Variants in PDE3A observed in about 807,000 individuals in gnomAD.
PDE3A encodes the protein cGMP-inhibited 3',5'-cyclic phosphodiesterase 3A.
Under a neutral mutation model 98.3 loss-of-function variants are expected in PDE3A, and 43 were observed. The observed-to-expected ratio is 0.44, with a 90% CI of 0.34 to 0.56. PDE3A has a LOEUF of 0.56. Ranked by LOEUF, PDE3A falls within the 20% of genes least tolerant of loss-of-function variation. PDE3A has a pLI of 0.01. For synonymous variants in PDE3A, 663 were observed against 567.9 expected, an observed-to-expected ratio of 1.17 and a Z score of -2.38; for missense variants, 1,427 against 1,440.7, an observed-to-expected ratio of 0.99 and a Z score of 0.15.
intron 1 of PDE3A, among the ~76,000 whole-genome samples, chr12:20,444,128 A>C (rs1250278712): frequency 6.6e-6 from 1 of 152,184 alleles, no homozygotes; most frequent in East Asian, 1.9e-4. Context: ...ATGATACAGC[A>C]TGCCATTCCT....
chr12:20,604,657 A>G (rs1399666002), intron 2 of PDE3A, among the ~76,000 whole-genome samples: 1 of 152,134 alleles, frequency 6.6e-6, no homozygotes, highest in Non-Finnish European at 1.5e-5. Flanking sequence ...ATTAGGACAA[A>G]TAGCTGGTCT....
Position 20,648,691 on chromosome 12 carries a change from G to C in PDE3A, c.2569G>C (p.Val857Leu), listed in dbSNP as rs770430051. The C allele has an allele frequency of 1.3e-6, 2 of 1,599,540 alleles. No homozygotes were observed. Among genetic ancestry groups the C allele is most frequent in the Admixed American group, 3.3e-5 (2 of 60,000 alleles). The change falls in exon 13 of 16, where the codon GTG (valine) becomes CTG (leucine). Residue 857 changes from valine to leucine, a missense_variant. This residue lies in a region of PDE3A where 273 missense variants were observed against 420.3 expected (regional missense o/e 0.65). Coordinates refer to ENST00000359062, the MANE Select transcript of PDE3A (RefSeq NM_000921.5). ...CTTAACTGTCTTATTTGCCTAGGCG[G>C]TGCTATATAACGATCGTTCAGTTTT... ...FLVATSAPQA[V>L]LYNDRSVLEN... is the part of the protein sequence containing the mutation.
intron 15 of PDE3A, among the ~76,000 whole-genome samples, chr12:20,661,825 G>T (rs1157071278): frequency 6.6e-6 from 1 of 152,182 alleles, no homozygotes; most frequent in African/African-American, 2.4e-5. Context: ...CTCTGCTAGG[G>T]CAGTGTGGAA....
At chr12:20,513,161 A>G (rs1303474433) in intron 1 of PDE3A, among the ~76,000 whole-genome samples, 1 of 152,092 alleles carries the variant, frequency 6.6e-6, no homozygotes, top group Non-Finnish European at 1.5e-5. Context: ...CTATACTGAA[A>G]AATTTGGGTC....
chr12:20,598,340 G>T (rs950213407), intron 2 of PDE3A, among the ~76,000 whole-genome samples: 1 of 151,830 alleles, frequency 6.6e-6, no homozygotes, highest in East Asian at 1.9e-4. Context: ...CCACCACCAC[G>T]CCCGGCTAAT....
rs747820038 is a variant in PDE3A at position 20,369,609 on chromosome 12, G to T, written c.325G>T (p.Gly109Trp). The T allele has an allele frequency of 1.3e-6, 2 of 1,573,074 alleles. 1 individual carries two copies. Among genetic ancestry groups the T allele is most frequent in the South Asian group, 2.3e-5 (2 of 87,012 alleles). ...EEEEAAPGAEGGVFPGPRGGA... is the reference protein window; with the variant it reads ...EEEEAAPGAEWGVFPGPRGGA... ...GGAGGAAGCAGCCCCGGGAGCAGAA[G>T]GGGGCGTCTTCCCGGGGCCTCGGGG... Residue 109 changes from glycine (G) to tryptophan (W), a missense_variant, in exon 1 of 16, where the codon GGG (glycine) becomes TGG (tryptophan). Physicochemically the swap from Gly to Trp is radical, Grantham distance 184. This residue lies in a region of PDE3A where 1,012 missense variants were observed against 886.5 expected (regional missense o/e 1.14). Transcript: ENST00000359062.
chr12:20,370,880 G>A (rs990832372), intron 1 of PDE3A, among the ~76,000 whole-genome samples: 3 of 152,160 alleles, frequency 2.0e-5, no homozygotes, highest in African/African-American at 4.8e-5. Flanking sequence ...ATTATTACAT[G>A]CTAGTGTGTT....
At chr12:20,538,430 TC>T (rs1376586407) in intron 1 of PDE3A, among the ~76,000 whole-genome samples, 2 of 152,132 alleles carry the variant, frequency 1.3e-5, no homozygotes, top group Non-Finnish European at 2.9e-5. Flanking sequence ...CTTAGAAGCT[TC>T]ACACAGTGAC....
At chr12:20,388,182 A>G (rs1267729278) in intron 1 of PDE3A, among the ~76,000 whole-genome samples, 1 of 152,024 alleles carries the variant, frequency 6.6e-6, no homozygotes, top group African/African-American at 2.4e-5. Context: ...TAGGAATGGT[A>G]ATGTGTGATA....
At chr12:20,377,403 GT>G (rs2120524424) in intron 1 of PDE3A, among the ~76,000 whole-genome samples, 1 of 151,782 alleles carries the variant, frequency 6.6e-6, no homozygotes, top group African/African-American at 2.4e-5. Context: ...TTTGCATTCT[GT>G]TTTTTTGTGA....
At chr12:20,596,063 A>G (rs916958395) in intron 2 of PDE3A, among the ~76,000 whole-genome samples, 6 of 152,104 alleles carry the variant, frequency 3.9e-5, no homozygotes, top group African/African-American at 1.4e-4. Context: ...CCTTTTTTGC[A>G]TAGATCTTTG....
rs557847271 is a variant in PDE3A at position 20,615,846 on chromosome 12, C to T, written c.1270-384C>T. On this transcript the variant is annotated intron_variant, in intron 3 of 15. Coordinates refer to ENST00000359062, the MANE Select transcript of PDE3A (RefSeq NM_000921.5). ...TCTCAAGTGACTCTCCTGCCTCAGC[C>T]TCCCGAGCAACTGAGATTACAGGCA... is the stretch of plus-strand genomic sequence containing the variant. 3.9e-5 allele frequency among the ~76,000 whole-genome samples: 6 copies of T among 152,190 alleles called. No homozygotes were observed. In the East Asian group the frequency reaches 1.2e-3, roughly 29 times the overall value.
At chr12:20,450,500 G>C (rs1403255802) in intron 1 of PDE3A, among the ~76,000 whole-genome samples, 1 of 152,204 alleles carries the variant, frequency 6.6e-6, no homozygotes, top group African/African-American at 2.4e-5. Context: ...GTTTAAAATA[G>C]AAAACTCCTT....
intron 1 of PDE3A, among the ~76,000 whole-genome samples, chr12:20,489,611 A>G (rs1033116001): frequency 6.6e-6 from 1 of 152,220 alleles, no homozygotes; most frequent in East Asian, 1.9e-4. Flanking sequence ...ATTAATGCCT[A>G]ACTGATGTTT....
chr12:20,527,404 T>A (rs1438728339), intron 1 of PDE3A, among the ~76,000 whole-genome samples: 2 of 152,180 alleles, frequency 1.3e-5, no homozygotes, highest in African/African-American at 4.8e-5. Context: ...CCCTTTTCCT[T>A]TCTTTTTCTT....
intron 15 of PDE3A, among the ~76,000 whole-genome samples, chr12:20,667,132 TG>T (rs1945335094): frequency 6.6e-6 from 1 of 152,212 alleles, no homozygotes; most frequent in Admixed American, 6.5e-5. Context: ...TTTTTGTTTT[TG>T]TTTTTTAACT....
At chr12:20,458,196 G>T (rs1281827331) in intron 1 of PDE3A, among the ~76,000 whole-genome samples, 1 of 151,988 alleles carries the variant, frequency 6.6e-6, no homozygotes. Flanking sequence ...TGCCTTTGTA[G>T]CTTTGCCTCA....
At chr12:20,537,321 G>A (rs546686979) in intron 1 of PDE3A, among the ~76,000 whole-genome samples, 2 of 152,004 alleles carry the variant, frequency 1.3e-5, no homozygotes, top group African/African-American at 2.4e-5. Flanking sequence ...TCTCATATCA[G>A]ATTTATGATT....
At chr12:20,530,018 AT>A (rs797015825) in intron 1 of PDE3A, among the ~76,000 whole-genome samples, 1 of 152,068 alleles carries the variant, frequency 6.6e-6, no homozygotes, top group South Asian at 2.1e-4. Flanking sequence ...TCTGTTGTCC[AT>A]TTTTTTGGTT....
Sources: allele counts gnomAD v4.1 joint callset (sites outside exome capture counted in the v4.1 genomes callset), GRCh38; gene constraint gnomAD v4.1.1; regional missense constraint gnomAD v4.1.1; transcripts MANE v1.5; gene names NCBI Gene and HGNC (gene_info 2026-07-23, HGNC 2026-07-21).